Variants in DCBLD2 observed in about 807,000 individuals in gnomAD.
DCBLD2 encodes the protein discoidin, CUB and LCCL domain containing 2, also known as discoidin, CUB and LCCL domain-containing protein 2.
A neutral mutation model predicts 86.8 loss-of-function variants in DCBLD2; 54 were observed. The observed-to-expected ratio is 0.62, with a 90% confidence interval of 0.50 to 0.78. DCBLD2 has a LOEUF of 0.78. Ranked by LOEUF, DCBLD2 falls within the 30% of genes least tolerant of loss-of-function variation. DCBLD2 has a pLI of 0.00. For synonymous variants in DCBLD2, 354 were observed against 341.3 expected, an observed-to-expected ratio of 1.04 and a Z score of -0.41; for missense variants, 908 against 954.2, an observed-to-expected ratio of 0.95 and a Z score of 0.64.
At chr3:98,853,764 T>A (rs916735474) in intron 2 of DCBLD2, among the ~76,000 whole-genome samples, 4 of 152,202 alleles carry the variant, frequency 2.6e-5, no homozygotes, top group African/African-American at 9.6e-5. Context: ...ACTTGAGAAA[T>A]CTTATTTATG....
At position 98,809,478 on chromosome 3, in the gene DCBLD2, G is replaced by A. The variant is rs573047003; in HGVS notation, c.1577-1304C>T. Among the ~76,000 whole-genome samples, 4 of 152,200 alleles carry A rather than the reference G, an allele frequency of 2.6e-5. No individual in the cohort carries two copies. The South Asian group carries it at 8.3e-4, about 32-fold the overall frequency. On this transcript the variant is annotated intron_variant, in intron 12 of 15. Transcript: ENST00000326840. The stretch of plus-strand genomic sequence containing the variant: ...GCACAGGTGATATAATCAGCCTTGG[G>A]CAACATAAGGAAGCCCCCTTTTCAC...
intron 2 of DCBLD2, among the ~76,000 whole-genome samples, chr3:98,857,434 T>C (rs1001264520): frequency 7.2e-5 from 11 of 152,218 alleles, no homozygotes; most frequent in African/African-American, 2.4e-5. Flanking sequence ...CCAACCCACA[T>C]TCTGCTGATT....
rs1424536940 is a variant in DCBLD2, at chr3:98,901,451, C to G, written c.-125G>C. ...GAACAAGAGGCAGCCCTCGCCTCAC[C>G]CCGCGCCGGGACCCTTCCGCCCCTC... On this transcript the variant is annotated 5_prime_UTR_variant, in exon 1 of 16. Transcript: ENST00000326840. 52 of 1,006,440 alleles carry G rather than the reference C, an allele frequency of 5.2e-5. No individual in the cohort carries two copies. Among genetic ancestry groups the G allele is most frequent in the Non-Finnish European group, 6.0e-5 (47 of 782,814 alleles). The allele number at this position is 1,006,440 out of a possible 1,614,324, so 62.3% of individuals were successfully genotyped here.
chr3:98,815,281 G>T (rs757644638), intron 9 of DCBLD2: 1 of 152,188 alleles, frequency 6.6e-6, no homozygotes, highest in African/African-American at 2.4e-5. Context: ...CCAAGAGGTA[G>T]AACAGAGAAA....
intron 3 of DCBLD2, among the ~76,000 whole-genome samples, chr3:98,830,274 G>T (rs946154612): frequency 6.6e-6 from 1 of 152,178 alleles, no homozygotes; most frequent in Non-Finnish European, 1.5e-5. Context: ...TGCTTTTGCT[G>T]TGATTGTTTT....
intron 8 of DCBLD2, among the ~76,000 whole-genome samples, chr3:98,818,405 G>A (rs935804125): frequency 2.6e-5 from 4 of 152,066 alleles, no homozygotes; most frequent in South Asian, 2.1e-4. Context: ...GTAGGAGACC[G>A]TTATTTTAGA....
At chr3:98,822,470 A>C in intron 5 of DCBLD2, 109 bp from the exon 6 acceptor site, 5 of 1,393,820 alleles carry the variant, frequency 3.6e-6, no homozygotes, top group Non-Finnish European at 4.8e-6. Flanking sequence ...TTCTTCATAA[A>C]CTTCATAAAC....
chr3:98,872,817 ACAC>A (rs1943302679), intron 2 of DCBLD2, among the ~76,000 whole-genome samples: 1 of 152,214 alleles, frequency 6.6e-6, no homozygotes, highest in African/African-American at 2.4e-5. Flanking sequence ...GAAAAAATGA[ACAC>A]AACAAATATA....
chr3:98,807,459 A>G (rs1489049481), intron 13 of DCBLD2, among the ~76,000 whole-genome samples: 1 of 152,158 alleles, frequency 6.6e-6, no homozygotes, highest in East Asian at 1.9e-4. Context: ...GCAAGAAGGC[A>G]CTGTTGATGA....
Position 98,836,706 on chromosome 3 carries a change from G to A in DCBLD2, c.572-11340C>T, listed in dbSNP as rs1418063766. Among the ~76,000 whole-genome samples the A allele has an allele frequency of 3.9e-5, 3 of 76,736 alleles. 1 individual carries two copies. Among genetic ancestry groups the A allele is most frequent in the Middle Eastern group, 6.3e-3 (1 of 160 alleles). The allele number at this position is 76,736 out of a possible 152,430, so 50.3% of individuals were successfully genotyped here. A position where few individuals can be genotyped will look rare whatever the true frequency, so the allele number is the denominator to read the frequency against. ...GCGCCCATCACCTCCCGGACGGGGC[G>A]GCTGGCCGGGCGGGGGGGCTGACCC... On this transcript the variant is annotated intron_variant, in intron 3 of 15. Coordinates refer to ENST00000326840, the MANE Select transcript of DCBLD2 (RefSeq NM_080927.4).
chr3:98,890,852 G>C (rs895739744), intron 1 of DCBLD2, among the ~76,000 whole-genome samples: 6 of 151,982 alleles, frequency 3.9e-5, no homozygotes, highest in African/African-American at 1.4e-4. Flanking sequence ...TCTACTCCTT[G>C]ACTTCAGTTG....
At position 98,822,761 on chromosome 3, in the gene DCBLD2, A is replaced by G. The variant is rs1411315458; in HGVS notation, c.624-20T>C. On this transcript the variant is annotated intron_variant, in intron 4 of 15. Coordinates refer to ENST00000326840, the MANE Select transcript of DCBLD2 (RefSeq NM_080927.4). ...TACTTACTGAGAAATGAAAACAAGC[A>G]AAAGGTTACATAATGCTGTATTTTA... 2.6e-6 allele frequency: 4 copies of G among 1,565,756 alleles called. No individual in the cohort carries two copies. Among genetic ancestry groups the G allele is most frequent in the Non-Finnish European group, 3.5e-6 (4 of 1,156,670 alleles).
intron 2 of DCBLD2, among the ~76,000 whole-genome samples, chr3:98,863,059 C>G (rs1943075083): frequency 6.6e-6 from 1 of 152,168 alleles, no homozygotes; most frequent in African/African-American, 2.4e-5. Context: ...AAATCACAGG[C>G]ATTCTTATAT....
chr3:98,861,979 C>T (rs2107499119), intron 2 of DCBLD2, among the ~76,000 whole-genome samples: 1 of 151,876 alleles, frequency 6.6e-6, no homozygotes, highest in South Asian at 2.1e-4. Context: ...AGATTGCTAG[C>T]AAGACTAATA....
At chr3:98,899,794 G>C (rs991069532) in intron 1 of DCBLD2, among the ~76,000 whole-genome samples, 1 of 152,232 alleles carries the variant, frequency 6.6e-6, no homozygotes, top group Admixed American at 6.5e-5. Context: ...GCTGATTGTA[G>C]TGAAGATTCA....
At chr3:98,806,372 T>C (rs1485926124) in intron 13 of DCBLD2, among the ~76,000 whole-genome samples, 1 of 152,210 alleles carries the variant, frequency 6.6e-6, no homozygotes, top group African/African-American at 2.4e-5. Context: ...TAGCTTCTGC[T>C]GCTGCGGGCC....
chr3:98,810,941 A>G (rs978346913), intron 12 of DCBLD2, among the ~76,000 whole-genome samples: 1 of 152,198 alleles, frequency 6.6e-6, no homozygotes, highest in Admixed American at 6.6e-5. Context: ...GTAAGGAACA[A>G]TAAATCACAA....
chr3:98,883,759 A>AGT (rs1943513782), intron 1 of DCBLD2, among the ~76,000 whole-genome samples: 2 of 152,188 alleles, frequency 1.3e-5, no homozygotes, highest in African/African-American at 4.8e-5. Context: ...CTTTTGGAAC[A>AGT]GTACAGCACT....
rs1941667439 is a variant in DCBLD2, at chr3:98,799,135, TTCTACAG to T, written c.*230_*236del. 1 of 438,118 alleles carries T rather than the reference TTCTACAG, an allele frequency of 2.3e-6. No individual in the cohort carries two copies. The highest frequency in any genetic ancestry group is 2.0e-5 in the African/African-American group (1 of 50,572). 27.1% of individuals were successfully genotyped at this position (438,118 alleles called of 1,614,324 possible). Reference sequence around the variant, plus strand: ...AGCTTTTTCTGTATTAAAAATAGTGTTCTACAGTAGTATCAAACAGGACATTTGAAAT... The same window carrying T: ...AGCTTTTTCTGTATTAAAAATAGTGTTAGTATCAAACAGGACATTTGAAAT... On this transcript the variant is annotated 3_prime_UTR_variant, in exon 16 of 16. Transcript: ENST00000326840.
Sources: allele counts gnomAD v4.1 joint callset (sites outside exome capture counted in the v4.1 genomes callset), GRCh38; gene constraint gnomAD v4.1.1; transcripts MANE v1.5; gene names NCBI Gene and HGNC (gene_info 2026-07-23, HGNC 2026-07-21).